The following FRMPD4 variants were observed in gnomAD, a reference collection of about 807,000 sequenced individuals.
FRMPD4 encodes the protein FERM and PDZ domain containing 4.
Under a neutral mutation model 94.1 loss-of-function variants are expected in FRMPD4, and 22 were observed. The ratio of observed to expected loss-of-function variants is 0.23; its 90% CI spans 0.17 to 0.33. FRMPD4 has a LOEUF of 0.33. FRMPD4 is among the 10% of genes least tolerant of loss of function. The pLI, the probability that FRMPD4 is intolerant of heterozygous loss-of-function variation, is 1.00. For missense variants in FRMPD4, 1,111 were observed against 1,339.9 expected (o/e 0.83, Z 2.67); for synonymous variants, 631 against 548.6 (o/e 1.15, Z -2.10).
intron 1 of FRMPD4, among the ~76,000 whole-genome samples, chrX:12,466,523 C>T (rs976778454): frequency 1.8e-5 from 2 of 112,202 alleles, no homozygotes; most frequent in African/African-American, 6.5e-5. Flanking sequence ...TCTGTCTTGC[C>T]CAGAAGTTTT....
At chrX:12,598,188 A>G (rs1183785338) in intron 2 of FRMPD4, among the ~76,000 whole-genome samples, 1 of 111,325 alleles carries the variant, frequency 9.0e-6, no homozygotes, top group African/African-American at 3.3e-5. Flanking sequence ...ACTGGAAGCC[A>G]GGAAGAGGGG....
chrX:12,612,539 T>G (rs2059193651), intron 3 of FRMPD4, among the ~76,000 whole-genome samples: 1 of 112,383 alleles, frequency 8.9e-6, no homozygotes, highest in African/African-American at 3.2e-5. Flanking sequence ...ACAGTTCTCT[T>G]GAAGTGTGCC....
chrX:12,400,259 C>T (rs1375314841), intron 1 of FRMPD4, among the ~76,000 whole-genome samples: 1 of 112,162 alleles, frequency 8.9e-6, no homozygotes. Flanking sequence ...GTCGAACCAT[C>T]TGCTTCTTCA....
intron 4 of FRMPD4, among the ~76,000 whole-genome samples, chrX:12,644,633 C>T (rs183445396): frequency 2.7e-5 from 3 of 111,459 alleles, no homozygotes; most frequent in Non-Finnish European, 3.8e-5. Flanking sequence ...CTCTGAATAG[C>T]CCCACTACTC....
At chrX:12,186,564 C>CATATATAT (rs1448405357) in intron 1 of FRMPD4, among the ~76,000 whole-genome samples, 1 of 111,166 alleles carries the variant, frequency 9.0e-6, no homozygotes, top group Admixed American at 9.6e-5. Flanking sequence ...ATTTCGACAC[C>CATATATAT]TTGCCTATTG....
At chrX:11,823,203 C>T (rs1363730871) in intron 1 of FRMPD4, among the ~76,000 whole-genome samples, 1 of 110,565 alleles carries the variant, frequency 9.0e-6, no homozygotes, top group Non-Finnish European at 1.9e-5. Flanking sequence ...ATTTAAGTTA[C>T]ATATTTGCTT....
At chrX:12,306,080 CAA>C (rs11291162) in intron 1 of FRMPD4, among the ~76,000 whole-genome samples, 1,778 of 53,746 alleles carry the variant, frequency 0.033, 48 homozygotes, top group African/African-American at 0.1. Flanking sequence ...TGCTGTGCTT[CAA>C]AAAAAAAAAA....
chrX:11,922,622 G>T (rs1407297401), intron 3 of FRMPD4, among the ~76,000 whole-genome samples: 3 of 112,147 alleles, frequency 2.7e-5, no homozygotes, highest in African/African-American at 9.7e-5. Flanking sequence ...AGAGCAACCT[G>T]CTCTCACCAC....
rs374787338 is a variant in FRMPD4, at chrX:12,704,348, C to T, written c.1071-11C>T. 1.5e-5 allele frequency: 17 copies of T among 1,140,412 alleles called. No homozygotes were observed. In the African/African-American group the frequency reaches 2.0e-4, roughly 13 times the overall value. 94.0% of individuals were successfully genotyped at this position (1,140,412 alleles called of 1,213,427 possible). A position where few individuals can be genotyped will look rare whatever the true frequency, so the allele number is the denominator to read the frequency against. On this transcript the variant is annotated splice_polypyrimidine_tract_variant and intron_variant, in intron 10 of 16. Coordinates refer to ENST00000675598, the MANE Select transcript of FRMPD4 (RefSeq NM_001368397.1). The stretch of plus-strand genomic sequence containing the variant: ...AGAAATGTGAAATTAAAGATATGCT[C>T]TTTATTGCAGAAAAGAATGGGGATT...
At chrX:12,456,259 CTCT>C (rs1347822620) in intron 1 of FRMPD4, among the ~76,000 whole-genome samples, 1 of 111,961 alleles carries the variant, frequency 8.9e-6, no homozygotes, top group Non-Finnish European at 1.9e-5. Context: ...CTTTCTCTCT[CTCT>C]TCTTTCTTCC....
chrX:12,384,841 A>G (rs1306087220), intron 1 of FRMPD4, among the ~76,000 whole-genome samples: 1 of 112,442 alleles, frequency 8.9e-6, no homozygotes, highest in East Asian at 2.8e-4. Context: ...GTACCACTCT[A>G]AGAAGGAGAT....
chrX:12,365,924 A>G (rs955676051), intron 1 of FRMPD4, among the ~76,000 whole-genome samples: 1 of 112,734 alleles, frequency 8.9e-6, no homozygotes, highest in East Asian at 2.8e-4. Context: ...TATTCATTCA[A>G]TAATTCCATT....
At chrX:12,340,486 C>T (rs1378089448) in intron 1 of FRMPD4, among the ~76,000 whole-genome samples, 1 of 110,960 alleles carries the variant, frequency 9.0e-6, no homozygotes, top group African/African-American at 3.3e-5. Context: ...CTTTAGTAGG[C>T]CAACTAGGGT....
intron 1 of FRMPD4, among the ~76,000 whole-genome samples, chrX:12,391,643 T>G (rs1004599421): frequency 9.0e-6 from 1 of 111,298 alleles, no homozygotes; most frequent in Non-Finnish European, 1.9e-5. Flanking sequence ...GGAAGCCACG[T>G]GCTTTGACTT....
At chrX:12,108,644 T>C (rs1238157483) in intron 3 of FRMPD4, among the ~76,000 whole-genome samples, 2 of 111,005 alleles carry the variant, frequency 1.8e-5, no homozygotes, top group African/African-American at 6.6e-5. Flanking sequence ...GGATAAAGAG[T>C]CAAGACCCAT....
At chrX:11,952,843 A>G (rs774746765) in intron 3 of FRMPD4, among the ~76,000 whole-genome samples, 35 of 111,732 alleles carry the variant, frequency 3.1e-4, no homozygotes, top group Non-Finnish European at 6.0e-4. Flanking sequence ...CATCAGCAAC[A>G]TCAGCGTCAC....
intron 3 of FRMPD4, among the ~76,000 whole-genome samples, chrX:12,099,150 G>A (rs1005824915): frequency 7.7e-4 from 83 of 107,711 alleles, no homozygotes; most frequent in African/African-American, 2.6e-3. Context: ...CAGCGCACCA[G>A]CATGGCACAT....
At position 12,318,920 on chromosome X, in the gene FRMPD4, G is replaced by T. The variant is rs755828188; in HGVS notation, c.42-179760G>T. Among the ~76,000 whole-genome samples, 3 of 110,431 alleles carry T rather than the reference G, an allele frequency of 2.7e-5. No individual in the cohort carries two copies. The South Asian group carries it at 1.2e-3, about 44-fold the overall frequency. On this transcript the variant is annotated intron_variant, in intron 1 of 16. Coordinates refer to ENST00000675598, the MANE Select transcript of FRMPD4 (RefSeq NM_001368397.1). The stretch of plus-strand genomic sequence containing the variant: ...AATTAAAAAAAAAACATAGGGGAAA[G>T]CACCGGGAATTTTTAGATGAAATGA...
At chrX:11,835,924 C>T (rs1379122781) in intron 1 of FRMPD4, among the ~76,000 whole-genome samples, 1 of 112,138 alleles carries the variant, frequency 8.9e-6, no homozygotes, top group Admixed American at 9.5e-5. Flanking sequence ...CACCTGTTTC[C>T]TTCTGGGAAT....
Sources: allele counts gnomAD v4.1 joint callset (sites outside exome capture counted in the v4.1 genomes callset), GRCh38; gene constraint gnomAD v4.1.1; transcripts MANE v1.5; gene names NCBI Gene and HGNC (gene_info 2026-07-23, HGNC 2026-07-21).